MCM3AP: variants seen among roughly 807,000 people sequenced by gnomAD.
The protein encoded by MCM3AP is minichromosome maintenance complex component 3 associated protein.
A neutral mutation model predicts 184.1 loss-of-function variants in MCM3AP; 126 were observed. That is an observed-to-expected ratio of 0.68 (90% confidence interval 0.59 to 0.79). The LOEUF (loss-of-function observed/expected upper bound fraction) is 0.79, where lower values mean the gene tolerates loss of function less well. MCM3AP is among the 30% of genes least tolerant of loss of function. The pLI, the probability that MCM3AP is intolerant of heterozygous loss-of-function variation, is 0.00. For synonymous variants in MCM3AP, 1,002 were observed against 979.3 expected (o/e 1.02, Z -0.43); for missense variants, 2,496 against 2,479.2 (o/e 1.01, Z -0.14).
At chr21:46,265,817 G>A in intron 11 of MCM3AP, 108 bp downstream of exon 11, 2 of 1,363,844 alleles carry the variant, frequency 1.5e-6, no homozygotes, top group Non-Finnish European at 2.0e-6. Context: ...AGGTGCTCAG[G>A]CTCCTGGGAG....
chr21:46,280,836 C>T (rs1028653222), intron 2 of MCM3AP, among the ~76,000 whole-genome samples: 2 of 151,200 alleles, frequency 1.3e-5, no homozygotes, highest in African/African-American at 2.4e-5. Context: ...GACAGAGTCT[C>T]GCTCTGTCAG....
chr21:46,236,769 C>T, intron 27 of MCM3AP, 60 bp downstream of exon 27: 4 of 1,185,188 alleles, frequency 3.4e-6, no homozygotes, highest in South Asian at 3.1e-5. Flanking sequence ...ACTTTTTTCC[C>T]CAGCCATTCT....
intron 20 of MCM3AP, chr21:46,250,122 A>C (rs1256851498): frequency 6.6e-6 from 1 of 152,024 alleles, no homozygotes; most frequent in Non-Finnish European, 1.5e-5. Context: ...AAAGAGATAA[A>C]GAGAACTACA....
chr21:46,251,375 A>G (rs1266747738), intron 20 of MCM3AP, 154 bp downstream of exon 20: 1 of 542,382 alleles, frequency 1.8e-6, no homozygotes. Context: ...TTTTTAAACG[A>G]CATGTACGGA....
At chr21:46,279,688 C>A (rs2081303264) in intron 4 of MCM3AP, among the ~76,000 whole-genome samples, 1 of 149,820 alleles carries the variant, frequency 6.7e-6, no homozygotes, top group Admixed American at 6.6e-5. Context: ...AACCTTGGCC[C>A]TAGGGTATAT....
intron 2 of MCM3AP, among the ~76,000 whole-genome samples, chr21:46,282,311 AAAC>A (rs1404045087): frequency 6.6e-6 from 1 of 152,302 alleles, no homozygotes; most frequent in East Asian, 1.9e-4. Flanking sequence ...CAAAAAGTAG[AAAC>A]AACCCGCGTC....
intron 8 of MCM3AP, among the ~76,000 whole-genome samples, chr21:46,272,139 C>T (rs527306247): frequency 6.6e-6 from 1 of 152,026 alleles, no homozygotes; most frequent in Admixed American, 6.5e-5. Flanking sequence ...CCCCATTCTT[C>T]GCATTTTTGT....
At position 46,284,720 on chromosome 21, in the gene MCM3AP, C is replaced by G. The variant is rs766818939; in HGVS notation, c.567G>C (p.Leu189=). The change falls in exon 1 of 28, where the codon CTG becomes CTC. Residue 189 remains leucine, a synonymous_variant. Transcript: ENST00000291688. ...TTACTTGAGGAAAAGAGAAAGGGGC[C>G]AGGCCTCCAGGTGCACTACTAATTG... ...SHPISSAPGG[L]APFSFPQVTS... is the part of the protein sequence containing the mutation. The G allele has an allele frequency of 6.2e-7, 1 of 1,614,048 alleles. No individual in the cohort carries two copies. The highest frequency in any genetic ancestry group is 8.5e-7 in the Non-Finnish European group (1 of 1,180,032).
intron 6 of MCM3AP, 133 bp downstream of exon 6, chr21:46,275,053 C>T: frequency 2.1e-6 from 2 of 940,254 alleles, no homozygotes; most frequent in Non-Finnish European, 2.9e-6. Context: ...CAATGCAAAA[C>T]AGCTTAATAT....
intron 2 of MCM3AP, among the ~76,000 whole-genome samples, chr21:46,283,249 G>T (rs946482456): frequency 2.0e-5 from 3 of 152,142 alleles, no homozygotes; most frequent in Non-Finnish European, 4.4e-5. Flanking sequence ...TGTATTGTTT[G>T]AACGTTTACA....
At chr21:46,242,133 T>G (rs2080677870) in intron 25 of MCM3AP, 1 of 152,600 alleles carries the variant, frequency 6.6e-6, no homozygotes, top group Non-Finnish European at 1.5e-5. Context: ...TGACAGTTTC[T>G]CCTTCCTTTC....
intron 17 of MCM3AP, among the ~76,000 whole-genome samples, chr21:46,255,855 G>A (rs2080942228): frequency 6.6e-6 from 1 of 152,066 alleles, no homozygotes; most frequent in African/African-American, 2.4e-5. Flanking sequence ...GGGGACACAA[G>A]AAGCCATGAC....
Position 46,264,127 on chromosome 21 carries a change from C to T in MCM3AP, c.3325G>A (p.Ala1109Thr). 6.2e-7 allele frequency: 1 copy of T among 1,612,470 alleles called. No individual in the cohort carries two copies. Among genetic ancestry groups the T allele is most frequent in the East Asian group, 2.2e-5 (1 of 44,878 alleles). ...CGAGATGCCACTCACCCCAGGGCGG[C>T]AGCTGCGTAGGCAGCACCCGCAGAG... Reference protein sequence around the residue: ...VGSAGAAYAAAALGVSNAAME... With the variant: ...VGSAGAAYAATALGVSNAAME... The change falls in exon 13 of 28, where the codon GCC (alanine) becomes ACC (threonine). Residue 1109 changes from alanine (A) to threonine (T), a missense_variant. This residue lies in a region of MCM3AP where 1,323 missense variants were observed against 1,273.4 expected (regional missense o/e 1.04). Transcript: ENST00000291688.
At chr21:46,237,059 T>A in intron 26 of MCM3AP, 80 bp from the exon 27 acceptor site, 1 of 706,238 alleles carries the variant, frequency 1.4e-6, no homozygotes, top group African/African-American at 1.9e-5. Context: ...TATATATACT[T>A]AAAAACTTTT....
In MCM3AP at chr21:46,285,254, C is replaced by T. The variant is rs778062183; in HGVS notation, c.33G>A (p.Gln11=). The change falls in exon 1 of 28, where the codon CAG becomes CAA. Residue 11 remains glutamine, a synonymous_variant. Coordinates refer to ENST00000291688, the MANE Select transcript of MCM3AP (RefSeq NM_003906.5). The stretch of plus-strand genomic sequence containing the variant: ...TAGAAGACGCCGAAAAAGCACTAGG[C>T]TGCTGCCCACTGAAAGGATTAGTTG... MNPTNPFSGQ[Q]PSAFSASSSN... 4 of 1,613,998 alleles carry T rather than the reference C, an allele frequency of 2.5e-6. No individual in the cohort carries two copies. Among genetic ancestry groups the T allele is most frequent in the Admixed American group, 3.3e-5 (2 of 60,016 alleles).
rs1040955427 is a variant in MCM3AP at position 46,256,652 on chromosome 21, C to T, written c.3932+137G>A. 10 of 1,092,610 alleles carry T rather than the reference C, an allele frequency of 9.2e-6. No homozygotes were observed. In the South Asian group the frequency reaches 9.8e-5, roughly 11 times the overall value. The allele number at this position is 1,092,610 out of a possible 1,614,324, so 67.7% of individuals were successfully genotyped here. A position where few individuals can be genotyped will look rare whatever the true frequency, so the allele number is the denominator to read the frequency against. On this transcript the variant is annotated intron_variant, in intron 17 of 27. Coordinates refer to ENST00000291688, the MANE Select transcript of MCM3AP (RefSeq NM_003906.5). The stretch of plus-strand genomic sequence containing the variant: ...CAAAATGCAACCCTGTGCCTGTCCT[C>T]GCCTCCAGGCTTCACCTATCTTCGC...
chr21:46,237,866 G>A (rs2080573978), intron 26 of MCM3AP, among the ~76,000 whole-genome samples: 2 of 115,886 alleles, frequency 1.7e-5, no homozygotes, highest in South Asian at 2.7e-4. Context: ...TTGGGAGGCC[G>A]AGGCGGGCAG....
chr21:46,254,450 A>G lies in MCM3AP; in HGVS notation c.4078T>C (p.Trp1360Arg). ...HLPGRQEHVF[W>R]KLVLVLPDVE... ...TCCGGCAACACCAGCACCAGCTTCC[A>G]AAACACATGCTCCTGCCTCCCAGGG... Residue 1360 changes from tryptophan to arginine, a missense_variant, in exon 19 of 28, where the codon TGG becomes CGG. This residue lies in a region of MCM3AP where 1,323 missense variants were observed against 1,273.4 expected (regional missense o/e 1.04). Transcript: ENST00000291688. The G allele has an allele frequency of 3.7e-6, 6 of 1,614,180 alleles. No homozygotes were observed. Among genetic ancestry groups the G allele is most frequent in the Non-Finnish European group, 5.1e-6 (6 of 1,180,046 alleles).
At chr21:46,257,873 T>C (rs2014276) in intron 16 of MCM3AP, among the ~76,000 whole-genome samples, 69,571 of 149,020 alleles carry the variant, frequency 0.47, 16,388 homozygotes, top group Admixed American at 0.51. Flanking sequence ...TGCAGTGAGC[T>C]GTGATTGCGC....
Sources: gnomAD v4.1 joint callset for allele counts (sites outside exome capture counted in the v4.1 genomes callset) on GRCh38, gnomAD v4.1.1 for gene constraint, gnomAD v4.1.1 regional missense constraint, MANE v1.5 for transcripts, NCBI Gene and HGNC (gene_info 2026-07-23, HGNC 2026-07-21) for gene names.